CNTNAP4: variants seen among roughly 807,000 people sequenced by gnomAD.
CNTNAP4 encodes the protein contactin-associated protein-like 4.
In CNTNAP4, 98 loss-of-function variants were observed where a neutral mutation model predicts 148.4. The observed-to-expected ratio is 0.66, with a 90% CI of 0.56 to 0.78. The LOEUF is 0.78. CNTNAP4 is among the 30% of genes least tolerant of loss of function. The pLI is 0.00. For missense variants in CNTNAP4, 1,935 were observed against 1,565.6 expected, an observed-to-expected ratio of 1.24 and a Z score of -3.98; for synonymous variants, 730 against 565.1, an observed-to-expected ratio of 1.29 and a Z score of -4.14.
intron 21 of CNTNAP4, among the ~76,000 whole-genome samples, chr16:76,541,176 G>T (rs1241047519): frequency 6.6e-6 from 1 of 152,162 alleles, no homozygotes; most frequent in African/African-American, 2.4e-5. Context: ...TTTAAAAAAT[G>T]GAAGAAGAAT....
Position 76,298,482 on chromosome 16 carries a change from A to ATGTGTG in CNTNAP4, c.86-17928_86-17927insGTGTGT, listed in dbSNP as rs1491431951. Among the ~76,000 whole-genome samples the ATGTGTG allele has an allele frequency of 1.8e-3, 229 of 125,764 alleles. 1 individual carries two copies. Among genetic ancestry groups the ATGTGTG allele is most frequent in the African/African-American group, 9.0e-3 (222 of 24,712 alleles). The allele number at this position is 125,764 out of a possible 152,430, so 82.5% of individuals were successfully genotyped here. ...TCATTGTGTGTGCACATGTGTGTACATGTATGTGTGTGTGTGTGTGTGTGT... is the reference window on the plus strand; with the variant it reads ...TCATTGTGTGTGCACATGTGTGTACATGTGTGTGTATGTGTGTGTGTGTGTGTGTGT... On this transcript the variant is annotated intron_variant, in intron 1 of 23. Transcript: ENST00000611870.
Position 76,491,215 on chromosome 16 carries a change from A to C in CNTNAP4, c.2080+1332A>C, listed in dbSNP as rs73621073. ...ACCCCTCCAATCCCATCTTTCTGGA[A>C]CCCACACCAAACTTACCTCCTCCTG... On this transcript the variant is annotated intron_variant, in intron 13 of 23. Transcript: ENST00000611870. Among the ~76,000 whole-genome samples, 1,030 of 152,186 alleles carry C rather than the reference A, an allele frequency of 6.8e-3. 19 individuals are homozygous for C. The highest frequency in any genetic ancestry group is 0.023 in the African/African-American group (968 of 41,514).
At chr16:76,374,822 G>A (rs771601673) in intron 3 of CNTNAP4, among the ~76,000 whole-genome samples, 1 of 151,108 alleles carries the variant, frequency 6.6e-6, no homozygotes. Flanking sequence ...AGGCTTGAGT[G>A]CAATGGCTCA....
Position 76,457,910 on chromosome 16 carries a change from A to C in CNTNAP4, c.1334-4046A>C, listed in dbSNP as rs2080796092. On this transcript the variant is annotated intron_variant, in intron 8 of 23. Transcript: ENST00000611870. The stretch of plus-strand genomic sequence containing the variant: ...TGAACCCATTACCCAAATAATGAAC[A>C]TGGTACCTGATAGGTAGTTTTTAAA... 2.0e-5 allele frequency among the ~76,000 whole-genome samples: 3 copies of C among 152,068 alleles called. No homozygotes were observed. The South Asian group carries it at 6.2e-4, about 31-fold the overall frequency.
chr16:76,307,109 T>G (rs1960558736), intron 1 of CNTNAP4, among the ~76,000 whole-genome samples: 1 of 152,004 alleles, frequency 6.6e-6, no homozygotes, highest in Admixed American at 6.6e-5. Context: ...ACAAAAAGCA[T>G]GAGCAAAATT....
intron 1 of CNTNAP4, among the ~76,000 whole-genome samples, chr16:76,279,856 A>T (rs1387489212): frequency 1.3e-5 from 2 of 152,168 alleles, no homozygotes; most frequent in Non-Finnish European, 2.9e-5. Flanking sequence ...ATATTTAAGA[A>T]GTATTTTCTT....
chr16:76,482,146 C>T (rs2081857235), intron 12 of CNTNAP4, among the ~76,000 whole-genome samples: 1 of 151,846 alleles, frequency 6.6e-6, no homozygotes, highest in African/African-American at 2.4e-5. Flanking sequence ...AGTGATGAGA[C>T]TATGCATATT....
At chr16:76,415,974 C>G (rs2078965699) in intron 3 of CNTNAP4, among the ~76,000 whole-genome samples, 2 of 146,660 alleles carry the variant, frequency 1.4e-5, no homozygotes, top group African/African-American at 5.0e-5. Flanking sequence ...ATTATTCATT[C>G]TTTTCTAAAA....
rs542939517 is a variant in CNTNAP4 at position 76,465,083 on chromosome 16, G to A, written c.1484-2269G>A. ...TTCTCCATCCAATGAACTGACTACA[G>A]CACTGTGAAGTCTAACCTGACATCT... On this transcript the variant is annotated intron_variant, in intron 9 of 23. Coordinates refer to ENST00000611870, the MANE Select transcript of CNTNAP4 (RefSeq NM_033401.5). 3.9e-5 allele frequency among the ~76,000 whole-genome samples: 6 copies of A among 152,256 alleles called. No homozygotes were observed. The South Asian group carries it at 1.2e-3, about 32-fold the overall frequency.
intron 12 of CNTNAP4, among the ~76,000 whole-genome samples, chr16:76,484,565 TGAGGAAGCCAAGAATGGGG>T (rs1250524675): frequency 3.3e-5 from 5 of 152,032 alleles, no homozygotes; most frequent in Non-Finnish European, 7.4e-5. Context: ...GTTTTGCAAA[TGAGGAAGCCAAGAATGGGG>T]GAGGTTAAGT....
intron 3 of CNTNAP4, among the ~76,000 whole-genome samples, chr16:76,379,069 G>C (rs1342764724): frequency 6.6e-6 from 1 of 152,124 alleles, no homozygotes; most frequent in East Asian, 1.9e-4. Flanking sequence ...GTGACCTTTA[G>C]GGTTACCCCG....
At chr16:76,428,138 A>G (rs189954360) in intron 4 of CNTNAP4, among the ~76,000 whole-genome samples, 9 of 152,350 alleles carry the variant, frequency 5.9e-5, no homozygotes, top group Admixed American at 4.6e-4. Flanking sequence ...ATACTTTCAC[A>G]TAAAAAAGAT....
intron 4 of CNTNAP4, among the ~76,000 whole-genome samples, chr16:76,441,570 T>C (rs1597551093): frequency 6.6e-6 from 1 of 152,242 alleles, no homozygotes; most frequent in African/African-American, 2.4e-5. Flanking sequence ...TCACCAGCAA[T>C]TGCTGTGGTA....
At chr16:76,285,435 A>G (rs1279364256) in intron 1 of CNTNAP4, among the ~76,000 whole-genome samples, 1 of 152,116 alleles carries the variant, frequency 6.6e-6, no homozygotes, top group East Asian at 1.9e-4. Flanking sequence ...TTTAAATCAC[A>G]ACGGAAAAAA....
intron 9 of CNTNAP4, among the ~76,000 whole-genome samples, chr16:76,465,085 A>C (rs369945344): frequency 1.3e-5 from 2 of 152,160 alleles, no homozygotes; most frequent in South Asian, 2.1e-4. Context: ...TGACTACAGC[A>C]CTGTGAAGTC....
Position 76,553,854 on chromosome 16 carries a change from A to C in CNTNAP4, c.3680A>C (p.Asp1227Ala), listed in dbSNP as rs371737833. 3.7e-5 allele frequency: 60 copies of C among 1,612,046 alleles called. No individual in the cohort carries two copies. Among genetic ancestry groups the C allele is most frequent in the Non-Finnish European group, 4.4e-5 (52 of 1,178,414 alleles). Reference sequence around the variant, plus strand: ...ACTGCAGATCATTCTGGAACAATAGATGACAGAGAGCCCCTTGCTAATGCA... The same window carrying C: ...ACTGCAGATCATTCTGGAACAATAGCTGACAGAGAGCCCCTTGCTAATGCA... ...HSFADHSGTI[D>A]DREPLANAIK... Residue 1227 changes from aspartate to alanine, a missense_variant, in exon 23 of 24, where the codon GAT (aspartate) becomes GCT (alanine). By Grantham distance (126) the Asp-to-Ala change is moderately radical. Coordinates refer to ENST00000611870, the MANE Select transcript of CNTNAP4 (RefSeq NM_033401.5).
intron 3 of CNTNAP4, among the ~76,000 whole-genome samples, chr16:76,378,603 T>A (rs983628901): frequency 2.6e-5 from 4 of 152,228 alleles, no homozygotes; most frequent in African/African-American, 9.6e-5. Flanking sequence ...TGAGTAGACC[T>A]TGGTGTAAGT....
chr16:76,459,650 C>G (rs551524225), intron 8 of CNTNAP4, among the ~76,000 whole-genome samples: 3 of 152,314 alleles, frequency 2.0e-5, no homozygotes, highest in African/African-American at 7.2e-5. Flanking sequence ...ACTTCTTTTA[C>G]ATAAAATCAG....
chr16:76,482,243 A>T lies in CNTNAP4; in HGVS notation c.1882+2705A>T, dbSNP rs2143690029. 2.0e-5 allele frequency among the ~76,000 whole-genome samples: 3 copies of T among 152,244 alleles called. No individual in the cohort carries two copies. The East Asian group carries it at 5.8e-4, about 29-fold the overall frequency. On this transcript the variant is annotated intron_variant, in intron 12 of 23. Coordinates refer to ENST00000611870, the MANE Select transcript of CNTNAP4 (RefSeq NM_033401.5). ...AAAAATCCAGGACTGATTGTACAAG[A>T]TAATAGCACTGTAGATGGAGGAAAG...
Sources: allele counts gnomAD v4.1 joint callset (sites outside exome capture counted in the v4.1 genomes callset), GRCh38; gene constraint gnomAD v4.1.1; transcripts MANE v1.5; gene names NCBI Gene and HGNC (gene_info 2026-07-23, HGNC 2026-07-21).